Variants in WDR7 observed in about 807,000 individuals in gnomAD.
WDR7 encodes WD repeat-containing protein 7.
A neutral mutation model predicts 169.4 loss-of-function variants in WDR7; 46 were observed. That is an observed-to-expected ratio of 0.27 (90% CI 0.21 to 0.35). The LOEUF is 0.35. Among genes scored for constraint, WDR7 ranks in the 10% least tolerant of loss-of-function variants. The pLI is 1.00. For missense variants in WDR7, 1,534 were observed against 1,859.3 expected (o/e 0.83, Z 3.22); for synonymous variants, 612 against 666.8 (o/e 0.92, Z 1.27).
intron 13 of WDR7, among the ~76,000 whole-genome samples, chr18:56,719,280 C>G (rs866358697): frequency 6.6e-6 from 1 of 152,068 alleles, no homozygotes; most frequent in Non-Finnish European, 1.5e-5. Context: ...AACAGAATTG[C>G]TGGCCGGGCG....
In WDR7 at chr18:56,686,891, A is replaced by C. The variant is rs758576420; in HGVS notation, c.634A>C (p.Ile212Leu). Residue 212 changes from isoleucine to leucine, a missense_variant, in exon 7 of 28, where the codon ATT becomes CTT. Transcript: ENST00000254442. ...AATATTTGAGGAGGAATCCAAACCA[A>C]TTTATTGTCAGAATTGCCAAAGCAT... ...EPIFEEESKP[I>L]YCQNCQSISF... The C allele has an allele frequency of 6.2e-7, 1 of 1,609,654 alleles. No individual in the cohort carries two copies. Among genetic ancestry groups the C allele is most frequent in the African/African-American group, 1.3e-5 (1 of 74,860 alleles).
At chr18:56,706,615 TA>T (rs1269925133) in intron 12 of WDR7, among the ~76,000 whole-genome samples, 1 of 152,232 alleles carries the variant, frequency 6.6e-6, no homozygotes, top group African/African-American at 2.4e-5. Context: ...ATTTGGATGA[TA>T]AATGCCTAAA....
At chr18:56,653,051 G>C (rs1598935089) in intron 1 of WDR7, among the ~76,000 whole-genome samples, 1 of 152,094 alleles carries the variant, frequency 6.6e-6, no homozygotes, top group Admixed American at 6.5e-5. Context: ...TGTTTTCTTC[G>C]TGAGAGGGGT....
chr18:56,972,462 C>G (rs537122659), intron 26 of WDR7, among the ~76,000 whole-genome samples: 1 of 152,168 alleles, frequency 6.6e-6, no homozygotes. Context: ...GAATTGACTA[C>G]AGTACTTAGA....
At chr18:56,668,124 A>G (rs532102693) in intron 1 of WDR7, among the ~76,000 whole-genome samples, 4 of 152,192 alleles carry the variant, frequency 2.6e-5, no homozygotes, top group African/African-American at 7.2e-5. Context: ...CTGAAAAGCA[A>G]TGTCAGATTT....
intron 16 of WDR7, among the ~76,000 whole-genome samples, chr18:56,768,523 G>A (rs887075863): frequency 5.9e-5 from 9 of 152,148 alleles, no homozygotes; most frequent in Non-Finnish European, 7.4e-5. Flanking sequence ...GGTCTGACAT[G>A]TACTCTCTTG....
chr18:56,851,040 C>A (rs900772742), intron 20 of WDR7, among the ~76,000 whole-genome samples: 1 of 152,136 alleles, frequency 6.6e-6, no homozygotes, highest in African/African-American at 2.4e-5. Context: ...CTTCAGGGTT[C>A]TATTGTTGCT....
At chr18:56,660,523 A>G (rs758156332) in intron 1 of WDR7, among the ~76,000 whole-genome samples, 1 of 152,144 alleles carries the variant, frequency 6.6e-6, no homozygotes, top group Non-Finnish European at 1.5e-5. Context: ...TCTGATCCCA[A>G]GTGTTTCAGA....
At chr18:57,008,611 C>T (rs1457403835) in intron 26 of WDR7, among the ~76,000 whole-genome samples, 1 of 152,220 alleles carries the variant, frequency 6.6e-6, no homozygotes, top group African/African-American at 2.4e-5. Context: ...TCACCAACTT[C>T]TGGTGGTCCT....
chr18:56,826,257 A>G (rs1231970065), intron 20 of WDR7, among the ~76,000 whole-genome samples: 1 of 152,246 alleles, frequency 6.6e-6, no homozygotes, highest in Admixed American at 6.5e-5. Flanking sequence ...CATATGACCA[A>G]AAGTTGTAAT....
chr18:56,668,320 G>A (rs141362986), intron 1 of WDR7, among the ~76,000 whole-genome samples: 62 of 152,196 alleles, frequency 4.1e-4, no homozygotes, highest in African/African-American at 1.4e-3. Context: ...TACACCTCTG[G>A]CCCTTAGAAC....
At chr18:56,726,119 T>C (rs2026447578) in intron 13 of WDR7, among the ~76,000 whole-genome samples, 1 of 152,076 alleles carries the variant, frequency 6.6e-6, no homozygotes, top group South Asian at 2.1e-4. Flanking sequence ...TTTGGAGGAT[T>C]GACTTGGCAA....
intron 20 of WDR7, among the ~76,000 whole-genome samples, chr18:56,866,052 T>C (rs1161419939): frequency 2.0e-5 from 3 of 152,208 alleles, no homozygotes; most frequent in Admixed American, 2.0e-4. Context: ...TTCTATGCAG[T>C]AAACACTGAG....
intron 25 of WDR7, among the ~76,000 whole-genome samples, chr18:56,961,614 G>C (rs748938038): frequency 5.3e-5 from 8 of 152,064 alleles, no homozygotes; most frequent in African/African-American, 1.7e-4. Flanking sequence ...CCATGTAGAC[G>C]TGAAATCAGT....
chr18:56,961,843 G>C (rs758926504), intron 25 of WDR7, among the ~76,000 whole-genome samples: 4 of 152,078 alleles, frequency 2.6e-5, no homozygotes, highest in African/African-American at 4.8e-5. Flanking sequence ...GAAATCAAGG[G>C]AACTTGACAG....
chr18:56,809,558 C>G (rs188790142), intron 19 of WDR7, among the ~76,000 whole-genome samples: 213 of 152,014 alleles, frequency 1.4e-3, no homozygotes, highest in South Asian at 0.012. Context: ...TACAAAATAC[C>G]CTGAAATTTC....
chr18:56,746,785 C>T (rs1165358074), intron 14 of WDR7, among the ~76,000 whole-genome samples: 2 of 152,158 alleles, frequency 1.3e-5, no homozygotes, highest in Non-Finnish European at 2.9e-5. Flanking sequence ...AACCTCAACA[C>T]TATTGTCATT....
At chr18:56,789,980 C>T (rs747641760) in intron 19 of WDR7, among the ~76,000 whole-genome samples, 1 of 152,124 alleles carries the variant, frequency 6.6e-6, no homozygotes, top group African/African-American at 2.4e-5. Context: ...TTCTAGTGGC[C>T]TTTGCTATAA....
chr18:56,848,623 A>C (rs566562142), intron 20 of WDR7, among the ~76,000 whole-genome samples: 36 of 152,234 alleles, frequency 2.4e-4, no homozygotes, highest in African/African-American at 7.7e-4. Context: ...TGCTTGAGTC[A>C]TGGGGGTGGA....
Sources: allele counts gnomAD v4.1 joint callset (sites outside exome capture counted in the v4.1 genomes callset), GRCh38; gene constraint gnomAD v4.1.1; transcripts MANE v1.5; gene names NCBI Gene and HGNC (gene_info 2026-07-23, HGNC 2026-07-21).